Variants in PIAS2 observed in about 807,000 individuals in gnomAD.
PIAS2 encodes the protein E3 SUMO-protein ligase PIAS2.
Under a neutral mutation model 69.7 loss-of-function variants are expected in PIAS2, and 19 were observed. That is an observed-to-expected ratio of 0.27 (90% CI 0.19 to 0.40). The LOEUF (loss-of-function observed/expected upper bound fraction) is 0.40, where lower values mean the gene tolerates loss of function less well. Among genes scored for constraint, PIAS2 ranks in the 10% least tolerant of loss-of-function variants. The probability of loss-of-function intolerance (pLI) is 1.00; values close to 1 mark genes in which losing one functional copy is unlikely to be tolerated. For synonymous variants in PIAS2, 261 were observed against 263.2 expected (o/e 0.99, Z 0.08); for missense variants, 624 against 757.0 (o/e 0.82, Z 2.06).
At chr18:46,827,116 A>G (rs879822061) in intron 11 of PIAS2, 3 of 152,200 alleles carry the variant, frequency 2.0e-5, no homozygotes, top group African/African-American at 4.8e-5. Context: ...ATTTTATGCT[A>G]TGTAAATTAT....
chr18:46,824,868 C>G (rs2042631820), intron 11 of PIAS2, among the ~76,000 whole-genome samples: 1 of 150,236 alleles, frequency 6.7e-6, no homozygotes, highest in East Asian at 2.0e-4. Flanking sequence ...AAAAAATTAG[C>G]TGGGGGTGGT....
intron 8 of PIAS2, among the ~76,000 whole-genome samples, chr18:46,843,658 T>C (rs1460768827): frequency 1.3e-5 from 2 of 152,164 alleles, no homozygotes; most frequent in Non-Finnish European, 2.9e-5. Context: ...TAAAAGAACA[T>C]TACAAAGACA....
intron 1 of PIAS2, among the ~76,000 whole-genome samples, chr18:46,894,160 T>C (rs1291031027): frequency 6.6e-6 from 1 of 152,184 alleles, no homozygotes; most frequent in Non-Finnish European, 1.5e-5. Context: ...TTCCTTTATT[T>C]AGCACTTACT....
chr18:46,839,470 C>T (rs2044974673), intron 8 of PIAS2, among the ~76,000 whole-genome samples: 1 of 152,088 alleles, frequency 6.6e-6, no homozygotes, highest in South Asian at 2.1e-4. Context: ...CTATAAGTAC[C>T]TATTTGTCAA....
At chr18:46,877,154 C>G (rs1033094771) in intron 2 of PIAS2, among the ~76,000 whole-genome samples, 2 of 152,160 alleles carry the variant, frequency 1.3e-5, no homozygotes, top group African/African-American at 4.8e-5. Flanking sequence ...CTTATTGAAA[C>G]AGCTCTTATT....
chr18:46,836,178 C>T (rs2044397783), intron 9 of PIAS2, 179 bp downstream of exon 9: 3 of 503,600 alleles, frequency 6.0e-6, no homozygotes, highest in Admixed American at 6.3e-5. Context: ...ATGCCACTAA[C>T]CACAGTTTAA....
At chr18:46,888,804 T>C (rs1479546120) in intron 2 of PIAS2, among the ~76,000 whole-genome samples, 1 of 152,154 alleles carries the variant, frequency 6.6e-6, no homozygotes, top group Non-Finnish European at 1.5e-5. Context: ...AATGCTCGAA[T>C]TCCTGCTGCT....
chr18:46,888,053 A>T (rs2053485862), intron 2 of PIAS2, among the ~76,000 whole-genome samples: 1 of 152,218 alleles, frequency 6.6e-6, no homozygotes, highest in Non-Finnish European at 1.5e-5. Context: ...AATCAATTGC[A>T]TTTTTATAAA....
chr18:46,826,096 G>A (rs1012161503), intron 11 of PIAS2, among the ~76,000 whole-genome samples: 4 of 152,156 alleles, frequency 2.6e-5, no homozygotes, highest in Non-Finnish European at 2.9e-5. Context: ...AGGTAGCTGC[G>A]CTTTATACAG....
Position 46,816,472 on chromosome 18 carries a change from T to TA in PIAS2, c.1649-1124_1649-1123insT, listed in dbSNP as rs1416394626. On this transcript the variant is annotated intron_variant, in intron 12 of 13. Transcript: ENST00000585916. ...CCTTTTTGAAAATTGTTGCTACAGA[T>TA]TTTTTTTTTTTCCTTTTTTTGGGAG... The TA allele has an allele frequency of 2.3e-5, 8 of 353,444 alleles. No individual in the cohort carries two copies. The East Asian group carries it at 1.3e-3, about 59-fold the overall frequency. The allele number at this position is 353,444 out of a possible 1,614,324, so 21.9% of individuals were successfully genotyped here.
At chr18:46,896,784 T>G (rs2054955763) in intron 1 of PIAS2, among the ~76,000 whole-genome samples, 1 of 152,228 alleles carries the variant, frequency 6.6e-6, no homozygotes, top group South Asian at 2.1e-4. Flanking sequence ...CAATGTTTCC[T>G]GTGAGTGTAG....
chr18:46,872,146 T>C (rs1568637323), intron 2 of PIAS2, among the ~76,000 whole-genome samples: 1 of 152,150 alleles, frequency 6.6e-6, no homozygotes, highest in Admixed American at 6.5e-5. Flanking sequence ...TACTCCAATA[T>C]AGCCTGTAAA....
chr18:46,902,521 T>C (rs947190572), intron 1 of PIAS2, among the ~76,000 whole-genome samples: 3 of 151,852 alleles, frequency 2.0e-5, no homozygotes, highest in Non-Finnish European at 4.4e-5. Context: ...GATCGTGCCA[T>C]TGCACTCCAG....
intron 5 of PIAS2, among the ~76,000 whole-genome samples, chr18:46,848,689 G>A (rs955537198): frequency 7.9e-5 from 12 of 152,016 alleles, no homozygotes; most frequent in African/African-American, 2.7e-4. Context: ...CATTAAAAAC[G>A]TTTGAGCAGG....
rs1323414786 is a variant in PIAS2 at position 46,807,197 on chromosome 18, T to C, written c.*5236A>G. The C allele has an allele frequency of 6.6e-6, 1 of 150,914 alleles. No individual in the cohort carries two copies. The highest frequency in any genetic ancestry group is 1.5e-5 in the Non-Finnish European group (1 of 67,798). The allele number at this position is 150,914 out of a possible 1,614,324, so 9.3% of individuals were successfully genotyped here. On this transcript the variant is annotated 3_prime_UTR_variant, in exon 14 of 14. Coordinates refer to ENST00000585916, the MANE Select transcript of PIAS2 (RefSeq NM_004671.5). ...GAGCTGACCTCTTAAGGGCAGGCCTTAGGTACAAGAGGCTTTTTTTAAAAA... is the reference window on the plus strand; with the variant it reads ...GAGCTGACCTCTTAAGGGCAGGCCTCAGGTACAAGAGGCTTTTTTTAAAAA...
At chr18:46,834,261 GAA>G (rs1444008374) in intron 9 of PIAS2, among the ~76,000 whole-genome samples, 1 of 151,928 alleles carries the variant, frequency 6.6e-6, no homozygotes, top group Non-Finnish European at 1.5e-5. Flanking sequence ...ATTCAAAAAG[GAA>G]AAGACAAGAC....
intron 12 of PIAS2, among the ~76,000 whole-genome samples, chr18:46,818,917 C>T (rs936543924): frequency 5.3e-5 from 8 of 152,034 alleles, no homozygotes; most frequent in African/African-American, 9.7e-5. Context: ...CCAGTTCAGA[C>T]ATATTTTACT....
intron 8 of PIAS2, among the ~76,000 whole-genome samples, chr18:46,841,899 G>A (rs553343949): frequency 3.3e-5 from 5 of 152,296 alleles, no homozygotes; most frequent in African/African-American, 1.2e-4. Flanking sequence ...TTACATAGAA[G>A]GAATCCTAAC....
chr18:46,876,050 A>G (rs961594939), intron 2 of PIAS2, among the ~76,000 whole-genome samples: 1 of 152,196 alleles, frequency 6.6e-6, no homozygotes. Flanking sequence ...AGTGAGTTTA[A>G]GCCATTCCGA....
Sources: allele counts gnomAD v4.1 joint callset (sites outside exome capture counted in the v4.1 genomes callset), GRCh38; gene constraint gnomAD v4.1.1; transcripts MANE v1.5; gene names NCBI Gene and HGNC (gene_info 2026-07-23, HGNC 2026-07-21).